The following MMP26 variants were observed in gnomAD, a reference collection of about 807,000 sequenced individuals.
The protein encoded by MMP26 is matrix metalloproteinase-26.
MMP26 carries 33 observed loss-of-function variants against 31.0 expected under a neutral mutation model. The observed-to-expected ratio is 1.06, with a 90% CI of 0.81 to 1.42. The LOEUF (loss-of-function observed/expected upper bound fraction) is 1.42. Among genes scored for constraint, MMP26 ranks in the 40% most tolerant of loss-of-function variants. MMP26 has a pLI of 0.00. For synonymous variants in MMP26, 122 were observed against 114.9 expected, an observed-to-expected ratio of 1.06 and a Z score of -0.40; for missense variants, 347 against 316.1, an observed-to-expected ratio of 1.10 and a Z score of -0.74.
At chr11:4,826,133 C>T (rs1849574988) in intron 2 of MMP26, among the ~76,000 whole-genome samples, 1 of 152,062 alleles carries the variant, frequency 6.6e-6, no homozygotes. Flanking sequence ...TGAGGTTTTC[C>T]ATAAATCTGC....
rs71050424 is a variant in MMP26 at position 4,716,650 on chromosome 11, C to CTTTTTTTTTTTTTTTTT, written c.-217+11617_-217+11633dup. Among the ~76,000 whole-genome samples, 6 of 65,042 alleles carry CTTTTTTTTTTTTTTTTT rather than the reference C, an allele frequency of 9.2e-5. 1 individual carries two copies. The highest frequency in any genetic ancestry group is 3.4e-4 in the African/African-American group (5 of 14,748). The allele number at this position is 65,042 out of a possible 152,430, so 42.7% of individuals were successfully genotyped here. ...ATTCCATACTTGATCTCTCTTACCTCTTTTTTTTTTTTTTTTTTTTTTTTT... is the reference window on the plus strand; with the variant it reads ...ATTCCATACTTGATCTCTCTTACCTCTTTTTTTTTTTTTTTTTTTTTTTTTTTTTTTTTTTTTTTTTT... On this transcript the variant is annotated intron_variant, in intron 1 of 7. Coordinates refer to ENST00000380390, the MANE Select transcript of MMP26 (RefSeq NM_021801.5).
intron 2 of MMP26, among the ~76,000 whole-genome samples, chr11:4,878,957 C>T (rs147549146): frequency 3.9e-5 from 6 of 152,128 alleles, no homozygotes; most frequent in East Asian, 1.9e-4. Context: ...CAAAAAGGGC[C>T]GGGCGCGGTG....
At chr11:4,803,649 AC>A (rs745895279) in intron 2 of MMP26, 1 of 1,613,986 alleles carries the variant, frequency 6.2e-7, no homozygotes, top group African/African-American at 1.3e-5. Flanking sequence ...TATGGGAGGA[AC>A]GTGTGCTAAA....
At chr11:4,883,772 T>C (rs1461713727) in intron 2 of MMP26, among the ~76,000 whole-genome samples, 1 of 152,122 alleles carries the variant, frequency 6.6e-6, no homozygotes, top group East Asian at 1.9e-4. Flanking sequence ...AATTTCTAGA[T>C]TGCCTTTATT....
rs770611340 is a variant in MMP26, at chr11:4,915,515, AT to A, written c.-144-72551del. The A allele has an allele frequency of 8.7e-6, 14 of 1,614,018 alleles. No individual in the cohort carries two copies. In the Middle Eastern group the frequency reaches 4.9e-4, roughly 57 times the overall value. ...GCGCTCTGTTTTAATGATAAAAAGA[AT>A]TGTGCAGTTGCCCGGGATGGAAACC... On this transcript the variant is annotated intron_variant, in intron 2 of 7. Coordinates refer to ENST00000380390, the MANE Select transcript of MMP26 (RefSeq NM_021801.5).
chr11:4,902,958 A>G (rs891331201), intron 2 of MMP26, among the ~76,000 whole-genome samples: 3 of 151,926 alleles, frequency 2.0e-5, no homozygotes, highest in African/African-American at 7.2e-5. Flanking sequence ...TTATTTTATT[A>G]TTAATGTAAG....
chr11:4,749,636 C>A (rs74997566), intron 1 of MMP26, among the ~76,000 whole-genome samples: 3 of 151,974 alleles, frequency 2.0e-5, no homozygotes, highest in Admixed American at 1.3e-4. Flanking sequence ...TATCTACAGC[C>A]GGCTGATCTG....
intron 2 of MMP26, among the ~76,000 whole-genome samples, chr11:4,879,389 G>C (rs1850427343): frequency 6.6e-6 from 1 of 152,068 alleles, no homozygotes; most frequent in Non-Finnish European, 1.5e-5. Context: ...GACAGATTAA[G>C]GACAATGAAT....
intron 2 of MMP26, among the ~76,000 whole-genome samples, chr11:4,816,689 G>T (rs1589909666): frequency 6.7e-6 from 1 of 148,988 alleles, no homozygotes; most frequent in South Asian, 2.1e-4. Context: ...TTGATGAATG[G>T]GTGCCTTCTT....
rs951165444 is a variant in MMP26, at chr11:4,704,842, T to C, written c.-420T>C. The C allele has an allele frequency of 2.0e-5, 3 of 152,200 alleles. No individual in the cohort carries two copies. Among genetic ancestry groups the C allele is most frequent in the Admixed American group, 2.0e-4 (3 of 15,268 alleles). The allele number at this position is 152,200 out of a possible 1,614,324, so 9.4% of individuals were successfully genotyped here. ...TTCTCCTGGCAGAAGAGGACCTCTT[T>C]GTCCAGGGGCAGGGCTGATCAGGGG... On this transcript the variant is annotated 5_prime_UTR_variant, in exon 1 of 8. Transcript: ENST00000380390.
chr11:4,715,379 A>C (rs1847916050), intron 1 of MMP26, among the ~76,000 whole-genome samples: 1 of 151,692 alleles, frequency 6.6e-6, no homozygotes. Flanking sequence ...AGGAAGAAGT[A>C]AGTTCTTCTG....
At chr11:4,829,317 A>G (rs1469272106) in intron 2 of MMP26, among the ~76,000 whole-genome samples, 1 of 152,154 alleles carries the variant, frequency 6.6e-6, no homozygotes, top group Non-Finnish European at 1.5e-5. Context: ...ACTGATTACT[A>G]CAGCCCCCAA....
At chr11:4,931,223 T>A (rs757020175) in intron 2 of MMP26, among the ~76,000 whole-genome samples, 2 of 152,026 alleles carry the variant, frequency 1.3e-5, no homozygotes, top group African/African-American at 2.4e-5. Context: ...TCTGGAAGGG[T>A]TATCCATGGG....
intron 1 of MMP26, chr11:4,722,675 C>T (rs1848030567): frequency 1.6e-5 from 11 of 703,142 alleles, no homozygotes; most frequent in Non-Finnish European, 2.8e-5. Flanking sequence ...ACAGTGGCCT[C>T]CCTCCTGTGC....
At chr11:4,712,526 C>T (rs1054307637) in intron 1 of MMP26, 1 of 151,954 alleles carries the variant, frequency 6.6e-6, no homozygotes, top group Non-Finnish European at 1.5e-5. Flanking sequence ...AAAGCATAAA[C>T]ATAAGTTATT....
intron 2 of MMP26, chr11:4,947,010 T>A: frequency 6.3e-7 from 1 of 1,587,604 alleles, no homozygotes; most frequent in Non-Finnish European, 8.6e-7. Context: ...CAGATGGGGA[T>A]AGAGATCCAG....
Position 4,949,654 on chromosome 11 carries a change from G to A in MMP26, c.-144-38414G>A, listed in dbSNP as rs1483789254. Among the ~76,000 whole-genome samples, 7 of 121,466 alleles carry A rather than the reference G, an allele frequency of 5.8e-5. 1 individual carries two copies. The highest frequency in any genetic ancestry group is 2.3e-4 in the East Asian group (1 of 4,340). 79.7% of individuals were successfully genotyped at this position (121,466 alleles called of 152,430 possible). Reference sequence around the variant, plus strand: ...GTAACTTCTATTTCAAGAAGATAGTGAAGGAATAACAACAAAATCTCCAAA... The same window carrying A: ...GTAACTTCTATTTCAAGAAGATAGTAAAGGAATAACAACAAAATCTCCAAA... On this transcript the variant is annotated intron_variant, in intron 2 of 7. Coordinates refer to ENST00000380390, the MANE Select transcript of MMP26 (RefSeq NM_021801.5).
At chr11:4,955,222 A>T (rs759935868) in intron 2 of MMP26, 1 of 1,271,750 alleles carries the variant, frequency 7.9e-7, no homozygotes, top group South Asian at 1.2e-5. Flanking sequence ...AGCTTCTTAA[A>T]GTGAAAGGGA....
chr11:4,991,265 G>A (rs749294788), intron 5 of MMP26, 106 bp from the exon 6 acceptor site: 25 of 1,366,432 alleles, frequency 1.8e-5, no homozygotes, highest in Non-Finnish European at 2.5e-5. Flanking sequence ...TCCCCCAGTG[G>A]TAGACTGTTG....
Sources: gnomAD v4.1 joint callset for allele counts (sites outside exome capture counted in the v4.1 genomes callset) on GRCh38, gnomAD v4.1.1 for gene constraint, MANE v1.5 for transcripts, NCBI Gene and HGNC (gene_info 2026-07-23, HGNC 2026-07-21) for gene names.